NELL1: variants seen among roughly 807,000 people sequenced by gnomAD.
NELL1 encodes the protein protein kinase C-binding protein NELL1.
A neutral mutation model predicts 107.4 loss-of-function variants in NELL1; 76 were observed. The observed-to-expected ratio is 0.71, with a 90% confidence interval of 0.59 to 0.86. The LOEUF is 0.86. NELL1 is among the 40% of genes least tolerant of loss of function. NELL1 has a pLI of 0.00. For synonymous variants in NELL1, 353 were observed against 341.2 expected (o/e 1.03, Z -0.38); for missense variants, 1,024 against 1,005.5 (o/e 1.02, Z -0.25).
chr11:21,278,820 AC>A (rs1386198617), intron 14 of NELL1, among the ~76,000 whole-genome samples: 1 of 152,184 alleles, frequency 6.6e-6, no homozygotes, highest in East Asian at 1.9e-4. Context: ...ACTCAGAATA[AC>A]CAACAGAGTA....
intron 13 of NELL1, among the ~76,000 whole-genome samples, chr11:21,140,854 G>T (rs1176879833): frequency 6.6e-6 from 1 of 152,126 alleles, no homozygotes; most frequent in Admixed American, 6.5e-5. Flanking sequence ...TTGCTCCAAG[G>T]TTATGAAGTT....
intron 1 of NELL1, among the ~76,000 whole-genome samples, chr11:20,670,115 C>G (rs1222150519): frequency 6.6e-6 from 1 of 152,156 alleles, no homozygotes; most frequent in Non-Finnish European, 1.5e-5. Flanking sequence ...CCCGCGTGCC[C>G]CGAGTTCCCG....
chr11:21,197,706 T>C (rs954009533), intron 13 of NELL1, among the ~76,000 whole-genome samples: 1 of 152,154 alleles, frequency 6.6e-6, no homozygotes, highest in African/African-American at 2.4e-5. Context: ...AGGCAACTGA[T>C]AAATAGTGAG....
At chr11:20,912,374 C>G (rs1395997295) in intron 5 of NELL1, among the ~76,000 whole-genome samples, 2 of 152,120 alleles carry the variant, frequency 1.3e-5, no homozygotes, top group Non-Finnish European at 1.5e-5. Context: ...ATAGGCTTAT[C>G]TGAATCTTCT....
At chr11:20,843,981 A>G (rs1342408310) in intron 3 of NELL1, among the ~76,000 whole-genome samples, 1 of 152,208 alleles carries the variant, frequency 6.6e-6, no homozygotes, top group Non-Finnish European at 1.5e-5. Flanking sequence ...TCAGCTAAGT[A>G]AATACAGGTT....
Position 21,328,484 on chromosome 11 carries a change from C to T in NELL1, c.1550-42369C>T, listed in dbSNP as rs192213562. Reference sequence around the variant, plus strand: ...GGGGTAGAACCCTCATGGAGAACCTCTCCTATGGCAGTGTGGAAGAGAAAT... The same window carrying T: ...GGGGTAGAACCCTCATGGAGAACCTTTCCTATGGCAGTGTGGAAGAGAAAT... On this transcript the variant is annotated intron_variant, in intron 14 of 19. Transcript: ENST00000357134. Among the ~76,000 whole-genome samples the T allele has an allele frequency of 3.6e-3, 547 of 152,286 alleles. 11 individuals are homozygous for T. In the South Asian group the frequency reaches 0.053, roughly 15 times the overall value.
At chr11:21,387,123 C>T (rs1220283616) in intron 15 of NELL1, among the ~76,000 whole-genome samples, 1 of 151,812 alleles carries the variant, frequency 6.6e-6, no homozygotes, top group African/African-American at 2.4e-5. Context: ...TTCTCTCTTT[C>T]TGGGGTGTTT....
chr11:20,753,348 A>G (rs1856186559), intron 2 of NELL1, among the ~76,000 whole-genome samples: 1 of 152,222 alleles, frequency 6.6e-6, no homozygotes, highest in African/African-American at 2.4e-5. Flanking sequence ...AAAATTCTGA[A>G]TTAAAGAAAT....
chr11:20,942,087 T>G (rs757429959), intron 10 of NELL1, among the ~76,000 whole-genome samples: 1 of 152,210 alleles, frequency 6.6e-6, no homozygotes. Context: ...TTTTAAAGAT[T>G]GAAAAGAATG....
intron 13 of NELL1, among the ~76,000 whole-genome samples, chr11:21,202,145 T>C (rs1466686476): frequency 6.6e-6 from 1 of 152,206 alleles, no homozygotes; most frequent in Admixed American, 6.5e-5. Flanking sequence ...CCTCATAAAA[T>C]GAGTTAGAGA....
At chr11:21,149,871 A>T (rs1856074679) in intron 13 of NELL1, among the ~76,000 whole-genome samples, 1 of 152,164 alleles carries the variant, frequency 6.6e-6, no homozygotes, top group Non-Finnish European at 1.5e-5. Context: ...ATAATAATTT[A>T]AAAAGTACCA....
At chr11:21,384,885 T>C (rs1442414076) in intron 15 of NELL1, among the ~76,000 whole-genome samples, 6 of 151,992 alleles carry the variant, frequency 3.9e-5, no homozygotes, top group Non-Finnish European at 7.4e-5. Flanking sequence ...CTTCTTCATT[T>C]TCATAAAACA....
chr11:21,426,229 C>A (rs931159567), intron 15 of NELL1, among the ~76,000 whole-genome samples: 1 of 152,156 alleles, frequency 6.6e-6, no homozygotes, highest in Non-Finnish European at 1.5e-5. Flanking sequence ...CTGCACTAGT[C>A]CCTTAGCTTG....
intron 2 of NELL1, among the ~76,000 whole-genome samples, chr11:20,709,313 T>A (rs561070423): frequency 6.6e-6 from 1 of 152,316 alleles, no homozygotes; most frequent in African/African-American, 2.4e-5. Flanking sequence ...CCCTACTTTG[T>A]ATTTTTGTTT....
chr11:21,489,353 C>G (rs1307497451), intron 15 of NELL1, among the ~76,000 whole-genome samples: 2 of 98,114 alleles, frequency 2.0e-5, no homozygotes, highest in Non-Finnish European at 3.8e-5. Flanking sequence ...GTGTAGAGAA[C>G]TAACACCAAT....
chr11:21,206,530 T>C (rs1272636701), intron 13 of NELL1, among the ~76,000 whole-genome samples: 1 of 152,284 alleles, frequency 6.6e-6, no homozygotes, highest in Non-Finnish European at 1.5e-5. Context: ...GAAGATACAT[T>C]GAAAAGCAGG....
chr11:21,392,994 A>G (rs1040953057), intron 15 of NELL1, among the ~76,000 whole-genome samples: 1 of 149,320 alleles, frequency 6.7e-6, no homozygotes, highest in South Asian at 2.1e-4. Flanking sequence ...TTAAGTCAGA[A>G]TTTTTTTTTT....
At chr11:20,881,040 T>C (rs1849398298) in intron 4 of NELL1, among the ~76,000 whole-genome samples, 1 of 152,170 alleles carries the variant, frequency 6.6e-6, no homozygotes, top group African/African-American at 2.4e-5. Flanking sequence ...AGTAGAGCTG[T>C]GAATCTGGGA....
chr11:21,560,071 A>C (rs940313912), intron 16 of NELL1, 118 bp from the exon 17 acceptor site: 3 of 922,026 alleles, frequency 3.3e-6, no homozygotes, highest in Non-Finnish European at 5.3e-6. Context: ...ACAGCTTGGC[A>C]GTACCTAGCA....
Sources: gnomAD v4.1 joint callset for allele counts (sites outside exome capture counted in the v4.1 genomes callset) on GRCh38, gnomAD v4.1.1 for gene constraint, MANE v1.5 for transcripts, NCBI Gene and HGNC (gene_info 2026-07-23, HGNC 2026-07-21) for gene names.